The following TTC7B variants were observed in gnomAD, a reference collection of about 807,000 sequenced individuals.
TTC7B encodes the protein tetratricopeptide repeat domain 7B.
TTC7B carries 28 observed loss-of-function variants against 106.8 expected under a neutral mutation model. The ratio of observed to expected loss-of-function variants is 0.26; its 90% CI spans 0.19 to 0.36. The LOEUF is 0.36. TTC7B is among the 10% of genes least tolerant of loss of function. The pLI is 1.00. For synonymous variants in TTC7B, 405 were observed against 430.6 expected (o/e 0.94, Z 0.74); for missense variants, 862 against 1,076.4 (o/e 0.80, Z 2.79).
rs1283719517 is a variant in TTC7B, at chr14:90,530,942, C to G, written c.*10426G>C. On this transcript the variant is annotated 3_prime_UTR_variant, in exon 20 of 20. Coordinates refer to ENST00000328459, the MANE Select transcript of TTC7B (RefSeq NM_001010854.2). ...TTACTCATGTAACCACTGTGTTCCC[C>G]AATAACCTATGAAAATAAAAAATTA... 4 of 151,996 alleles carry G rather than the reference C, an allele frequency of 2.6e-5. No homozygotes were observed. The highest frequency in any genetic ancestry group is 2.0e-4 in the Admixed American group (3 of 15,264). The allele number at this position is 151,996 out of a possible 1,614,324, so 9.4% of individuals were successfully genotyped here.
At chr14:90,735,318 C>T (rs1889476703) in intron 4 of TTC7B, among the ~76,000 whole-genome samples, 1 of 151,978 alleles carries the variant, frequency 6.6e-6, no homozygotes, top group African/African-American at 2.4e-5. Flanking sequence ...CCAGTCTGGG[C>T]AACATGGTGA....
At chr14:90,734,450 A>G (rs1889442400) in intron 4 of TTC7B, among the ~76,000 whole-genome samples, 1 of 151,802 alleles carries the variant, frequency 6.6e-6, no homozygotes. Context: ...AGGAGGAAAC[A>G]ACGACAAAAA....
At chr14:90,676,444 A>T (rs1886841063) in intron 9 of TTC7B, 79 bp downstream of exon 9, 1 of 1,528,784 alleles carries the variant, frequency 6.5e-7, no homozygotes, top group Non-Finnish European at 8.9e-7. Context: ...GCCCAGGACC[A>T]GGTCTCACAG....
chr14:90,799,456 G>C (rs1348353677), intron 1 of TTC7B, among the ~76,000 whole-genome samples: 1 of 152,180 alleles, frequency 6.6e-6, no homozygotes, highest in Non-Finnish European at 1.5e-5. Context: ...GCCAGACAGT[G>C]GTAAGAGCTG....
chr14:90,625,395 A>G (rs916053375), intron 15 of TTC7B, among the ~76,000 whole-genome samples: 4 of 152,194 alleles, frequency 2.6e-5, no homozygotes, highest in Non-Finnish European at 4.4e-5. Flanking sequence ...GCTGGAAGGA[A>G]ACTGATCGCA....
chr14:90,725,368 T>G (rs1169373715), intron 5 of TTC7B, among the ~76,000 whole-genome samples: 1 of 151,994 alleles, frequency 6.6e-6, no homozygotes, highest in Non-Finnish European at 1.5e-5. Flanking sequence ...ATCTGAGACA[T>G]AAGCCCAGGA....
chr14:90,565,257 G>A (rs1357799782), intron 19 of TTC7B, among the ~76,000 whole-genome samples: 1 of 152,146 alleles, frequency 6.6e-6, no homozygotes, highest in Non-Finnish European at 1.5e-5. Context: ...TATCATTGGA[G>A]TATTCACTGG....
chr14:90,679,497 G>A (rs1472820847), intron 8 of TTC7B, among the ~76,000 whole-genome samples: 1 of 152,224 alleles, frequency 6.6e-6, no homozygotes, highest in Non-Finnish European at 1.5e-5. Context: ...GGGCTGCCCC[G>A]GGGGTTGGCG....
intron 15 of TTC7B, among the ~76,000 whole-genome samples, chr14:90,632,689 T>G (rs1350744371): frequency 1.3e-5 from 2 of 152,258 alleles, no homozygotes; most frequent in African/African-American, 4.8e-5. Context: ...CGAGCACAGA[T>G]GGCGAGGCCA....
intron 19 of TTC7B, among the ~76,000 whole-genome samples, chr14:90,568,887 T>G (rs1486183069): frequency 6.6e-6 from 1 of 152,138 alleles, no homozygotes; most frequent in Non-Finnish European, 1.5e-5. Flanking sequence ...GGAGAAAATA[T>G]TATAAGCTAA....
intron 4 of TTC7B, among the ~76,000 whole-genome samples, chr14:90,731,502 A>C (rs1470732248): frequency 6.6e-6 from 1 of 152,262 alleles, no homozygotes; most frequent in Non-Finnish European, 1.5e-5. Flanking sequence ...GGTAGAAGGT[A>C]CATGATAAAC....
intron 4 of TTC7B, among the ~76,000 whole-genome samples, chr14:90,730,976 C>G (rs994394095): frequency 3.3e-5 from 5 of 152,146 alleles, no homozygotes; most frequent in Admixed American, 6.5e-5. Context: ...GACAGAGTCT[C>G]GCTCTGTCGC....
chr14:90,599,066 G>C (rs1477749652), intron 17 of TTC7B, among the ~76,000 whole-genome samples: 2 of 152,144 alleles, frequency 1.3e-5, no homozygotes, highest in Admixed American at 6.5e-5. Context: ...CAGGAGAATC[G>C]GTTGAACCCA....
At chr14:90,768,526 G>A (rs1211246409) in intron 3 of TTC7B, among the ~76,000 whole-genome samples, 1 of 152,144 alleles carries the variant, frequency 6.6e-6, no homozygotes, top group African/African-American at 2.4e-5. Flanking sequence ...CTCAACACAT[G>A]GGTATTACAA....
intron 5 of TTC7B, among the ~76,000 whole-genome samples, chr14:90,711,754 T>A (rs533810216): frequency 6.6e-6 from 1 of 152,180 alleles, no homozygotes; most frequent in East Asian, 1.9e-4. Flanking sequence ...AAAAATGCAG[T>A]TAAAAATCAA....
intron 8 of TTC7B, among the ~76,000 whole-genome samples, chr14:90,678,466 A>C (rs1254642760): frequency 5.9e-5 from 9 of 152,232 alleles, no homozygotes; most frequent in Non-Finnish European, 1.2e-4. Flanking sequence ...CTGTCTAAAA[A>C]CTAAACAATC....
chr14:90,657,276 A>G lies in TTC7B; in HGVS notation c.1239T>C (p.Ser413=), dbSNP rs1323055365. The part of the protein sequence containing the change: ...FALSLMAAGK[S]ARAVKVLKEC... ...CTTTCAGCACCTTCACGGCACGGGCAGACTTGGCAAGAGAAGATTATTTCC... is the reference window on the plus strand; with the variant it reads ...CTTTCAGCACCTTCACGGCACGGGCGGACTTGGCAAGAGAAGATTATTTCC... Residue 413 remains serine (S), a splice_region_variant and synonymous_variant, in exon 11 of 20, where the codon TCT becomes TCC. Transcript: ENST00000328459. This position sits in a 1 kb window ranked among gnomAD's most constrained non-coding sequence, Gnocchi z 4.2. 3 of 1,613,460 alleles carry G rather than the reference A, an allele frequency of 1.9e-6. No individual in the cohort carries two copies. The highest frequency in any genetic ancestry group is 2.2e-5 in the East Asian group (1 of 44,864).
intron 1 of TTC7B, among the ~76,000 whole-genome samples, chr14:90,794,296 G>A (rs1199122190): frequency 2.8e-5 from 4 of 143,648 alleles, no homozygotes; most frequent in East Asian, 4.2e-4. Context: ...GCGCAATCTC[G>A]GCTCACTGCA....
intron 5 of TTC7B, among the ~76,000 whole-genome samples, chr14:90,705,769 C>A (rs1749705): frequency 0.5 from 75,990 of 151,966 alleles, 19,899 homozygotes; most frequent in African/African-American, 0.62. Flanking sequence ...GCATCCCTAC[C>A]CTATAGCCTT....
Sources: allele counts gnomAD v4.1 joint callset (sites outside exome capture counted in the v4.1 genomes callset), GRCh38; gene constraint gnomAD v4.1.1; non-coding constraint Gnocchi (gnomAD v3.1); transcripts MANE v1.5; gene names NCBI Gene and HGNC (gene_info 2026-07-23, HGNC 2026-07-21).